Variants in PTHLH observed in about 807,000 individuals in gnomAD.
PTHLH encodes parathyroid hormone like hormone.
In PTHLH, 5 loss-of-function variants were observed where a neutral mutation model predicts 18.6. The ratio of observed to expected loss-of-function variants is 0.27; its 90% CI spans 0.14 to 0.56. The LOEUF is 0.56. PTHLH is among the 20% of genes least tolerant of loss of function. The probability of loss-of-function intolerance (pLI) is 0.92; values close to 1 mark genes in which losing one functional copy is unlikely to be tolerated. For missense variants in PTHLH, 207 were observed against 223.9 expected (o/e 0.92, Z 0.48); for synonymous variants, 90 against 94.0 (o/e 0.96, Z 0.25).
intron 4 of PTHLH, 106 bp from the exon 5 acceptor site, chr12:27,963,876 T>A: frequency 8.5e-7 from 1 of 1,179,884 alleles, no homozygotes; most frequent in Non-Finnish European, 1.2e-6. Flanking sequence ...TGGTCCACCG[T>A]AAGACACAAG....
intron 3 of PTHLH, 26 bp from the exon 4 acceptor site, chr12:27,969,542 A>G: frequency 6.6e-7 from 1 of 1,525,018 alleles, no homozygotes; most frequent in Non-Finnish European, 8.9e-7. Context: ...ATGGGACCCG[A>G]GTGTCAGTCT....
Position 27,965,110 on chromosome 12 carries a change from A to T in PTHLH, c.102-1340T>A, listed in dbSNP as rs117053830. On this transcript the variant is annotated intron_variant, in intron 4 of 5. Coordinates refer to ENST00000545234, the MANE Select transcript of PTHLH (RefSeq NM_198965.2). ...TATGGCAATCATAAATAGCATTATTACTGCCCCCATTGTATTCATGGGGAA... is the reference window on the plus strand; with the variant it reads ...TATGGCAATCATAAATAGCATTATTTCTGCCCCCATTGTATTCATGGGGAA... 4.9e-3 allele frequency among the ~76,000 whole-genome samples: 754 copies of T among 152,344 alleles called. 2 individuals are homozygous for T. The highest frequency in any genetic ancestry group is 8.1e-3 in the Non-Finnish European group (550 of 68,026).
rs562410191 is a variant in PTHLH at position 27,968,106 on chromosome 12, TG to T, written c.101+1287del. On this transcript the variant is annotated intron_variant, in intron 4 of 5. Coordinates refer to ENST00000545234, the MANE Select transcript of PTHLH (RefSeq NM_198965.2). ...CAAGTTTCAAAATGAGCAAAAAGTC[TG>T]AAGACAATTTTCAGAAACACATCGG... Among the ~76,000 whole-genome samples the T allele has an allele frequency of 9.0e-4, 137 of 152,354 alleles. 1 individual carries two copies. The highest frequency in any genetic ancestry group is 3.1e-3 in the African/African-American group (128 of 41,596).
chr12:27,961,298 T>TAC (rs1297694090), intron 5 of PTHLH, among the ~76,000 whole-genome samples: 10 of 12,910 alleles, frequency 7.7e-4, no homozygotes, highest in Non-Finnish European at 1.0e-3. Context: ...TATATATATA[T>TAC]ACGTATATAT....
intron 5 of PTHLH, chr12:27,963,121 G>A: frequency 4.2e-6 from 6 of 1,419,396 alleles, no homozygotes; most frequent in Non-Finnish European, 5.5e-6. Context: ...AAAGAGGAAT[G>A]GGCTCTAGCG....
At chr12:27,958,706 T>A (rs925032008) in intron 5 of PTHLH, 138 bp from the exon 6 acceptor site, 4 of 793,714 alleles carry the variant, frequency 5.0e-6, no homozygotes, top group Non-Finnish European at 7.7e-6. Context: ...CTTGTAAATA[T>A]CTCCTGCAAG....
At position 27,969,212 on chromosome 12, in the gene PTHLH, C is replaced by T. The variant is rs2062844506; in HGVS notation, c.101+182G>A. 6.6e-6 allele frequency: 4 copies of T among 607,186 alleles called. No homozygotes were observed. The East Asian group carries it at 1.1e-4, about 17-fold the overall frequency. 37.6% of individuals were successfully genotyped at this position (607,186 alleles called of 1,614,324 possible). A position where few individuals can be genotyped will look rare whatever the true frequency, so the allele number is the denominator to read the frequency against. On this transcript the variant is annotated intron_variant, in intron 4 of 5. Coordinates refer to ENST00000545234, the MANE Select transcript of PTHLH (RefSeq NM_198965.2). Reference sequence around the variant, plus strand: ...TGCCTGTCTCCCGTTGAAGATCAACCAGTTCTCCTGCCAGGTTTGAGGACC... The same window carrying T: ...TGCCTGTCTCCCGTTGAAGATCAACTAGTTCTCCTGCCAGGTTTGAGGACC...
At chr12:27,966,979 T>C (rs1245414955) in intron 4 of PTHLH, among the ~76,000 whole-genome samples, 2 of 152,206 alleles carry the variant, frequency 1.3e-5, no homozygotes, top group Non-Finnish European at 2.9e-5. Context: ...AGTTCTGTGG[T>C]ACATGCAAGA....
intron 5 of PTHLH, among the ~76,000 whole-genome samples, chr12:27,958,897 A>C (rs2120590710): frequency 6.6e-6 from 1 of 152,358 alleles, no homozygotes; most frequent in African/African-American, 2.4e-5. Flanking sequence ...AAGAGAAGGG[A>C]CAAATTTAAG....
At chr12:27,961,288 TATATATATATAC>T (rs56932228) in intron 5 of PTHLH, among the ~76,000 whole-genome samples, 49,659 of 93,332 alleles carry the variant, frequency 0.53, 11,326 homozygotes, top group African/African-American at 0.55. Context: ...TATATATACG[TATATATATATAC>T]GTATATATAT....
At chr12:27,969,567 C>T in intron 3 of PTHLH, 51 bp from the exon 4 acceptor site, 1 of 1,380,430 alleles carries the variant, frequency 7.2e-7, no homozygotes, top group Non-Finnish European at 1.0e-6. Flanking sequence ...TCTCCATCTC[C>T]CCGCACTACT....
At chr12:27,970,593 G>A (rs1165418402) in intron 2 of PTHLH, among the ~76,000 whole-genome samples, 4 of 151,940 alleles carry the variant, frequency 2.6e-5, no homozygotes, top group Non-Finnish European at 2.9e-5. Flanking sequence ...GGCCCGGCCG[G>A]CTCCTGCCGG....
At chr12:27,960,378 G>T (rs913258663) in intron 5 of PTHLH, among the ~76,000 whole-genome samples, 6 of 152,068 alleles carry the variant, frequency 3.9e-5, no homozygotes, top group Non-Finnish European at 8.8e-5. Flanking sequence ...TTCACTGAAT[G>T]GTTCATGTGA....
intron 5 of PTHLH, among the ~76,000 whole-genome samples, chr12:27,959,516 T>C (rs940490416): frequency 1.3e-5 from 2 of 152,180 alleles, no homozygotes; most frequent in Admixed American, 1.3e-4. Context: ...CTTCTCTTTG[T>C]GTGGTCTATG....
Position 27,971,804 on chromosome 12 carries a change from C to T in PTHLH, c.-266+123G>A, listed in dbSNP as rs6487652. The T allele has an allele frequency of 0.38, 55,339 of 145,940 alleles. 10,348 individuals carry two copies. Among genetic ancestry groups the T allele is most frequent in the African/African-American group, 0.48 (17,099 of 35,906 alleles). 9.0% of individuals were successfully genotyped at this position (145,940 alleles called of 1,614,324 possible). A position where few individuals can be genotyped will look rare whatever the true frequency, so the allele number is the denominator to read the frequency against. ...AAAACAAAACCAAAACACACACACG[C>T]ACACACACACACTCTCTCTCTGGGA... On this transcript the variant is annotated intron_variant, in intron 2 of 5. Coordinates refer to ENST00000545234, the MANE Select transcript of PTHLH (RefSeq NM_198965.2).
chr12:27,960,516 G>A (rs1027366014), intron 5 of PTHLH, among the ~76,000 whole-genome samples: 2 of 151,858 alleles, frequency 1.3e-5, no homozygotes. Context: ...TCAGGAGTTC[G>A]AGACCAGCCT....
At chr12:27,962,436 T>TGTAA in intron 5 of PTHLH, 1 of 580,468 alleles carries the variant, frequency 1.7e-6, no homozygotes, top group South Asian at 7.6e-5. Context: ...TCACAGAAGA[T>TGTAA]GTAAGTGAGT....
chr12:27,962,970 A>C, intron 5 of PTHLH: 1 of 1,138,010 alleles, frequency 8.8e-7, no homozygotes, highest in Non-Finnish European at 1.1e-6. Flanking sequence ...AAAAACACTG[A>C]AGAAAGTTTG....
chr12:27,969,878 T>G, intron 3 of PTHLH, 147 bp downstream of exon 3: 2 of 522,624 alleles, frequency 3.8e-6, no homozygotes, highest in African/African-American at 1.9e-5. Flanking sequence ...TGGCCAGCAG[T>G]TCTCCTGGGT....
Sources: gnomAD v4.1 joint callset for allele counts (sites outside exome capture counted in the v4.1 genomes callset) on GRCh38, gnomAD v4.1.1 for gene constraint, MANE v1.5 for transcripts, NCBI Gene and HGNC (gene_info 2026-07-23, HGNC 2026-07-21) for gene names.